TENM2: variants seen among roughly 807,000 people sequenced by gnomAD.
The protein encoded by TENM2 is teneurin-2.
A neutral mutation model predicts 245.2 loss-of-function variants in TENM2; 52 were observed. The ratio of observed to expected loss-of-function variants is 0.21; its 90% CI spans 0.17 to 0.27. The LOEUF (loss-of-function observed/expected upper bound fraction) is 0.27. TENM2 is among the 10% of genes least tolerant of loss of function. TENM2 has a pLI of 1.00. For synonymous variants in TENM2, 1,363 were observed against 1,438.9 expected (o/e 0.95, Z 1.19); for missense variants, 3,046 against 3,666.8 (o/e 0.83, Z 4.37).
chr5:167,568,548 G>C (rs575760574), intron 2 of TENM2, among the ~76,000 whole-genome samples: 2 of 152,028 alleles, frequency 1.3e-5, no homozygotes, highest in Non-Finnish European at 2.9e-5. Context: ...AAGACAGTAA[G>C]TGTGTGACAC....
At chr5:167,368,489 A>T (rs2127291351) in intron 1 of TENM2, among the ~76,000 whole-genome samples, 1 of 152,242 alleles carries the variant, frequency 6.6e-6, no homozygotes, top group East Asian at 1.9e-4. Context: ...TTAACCTTTT[A>T]TTTAAATAAT....
At chr5:167,898,287 C>A (rs1320930711) in intron 3 of TENM2, among the ~76,000 whole-genome samples, 9 of 152,064 alleles carry the variant, frequency 5.9e-5, no homozygotes, top group Non-Finnish European at 8.8e-5. Flanking sequence ...TTCCCTGGAC[C>A]TAGGGAATTG....
intron 3 of TENM2, among the ~76,000 whole-genome samples, chr5:167,931,016 A>C (rs1181082674): frequency 6.6e-6 from 1 of 152,216 alleles, no homozygotes; most frequent in Non-Finnish European, 1.5e-5. Context: ...AGAAGATCGC[A>C]AACTAGTGCA....
chr5:168,068,048 C>T lies in TENM2; in HGVS notation c.1515+5783C>T, dbSNP rs187968101. On this transcript the variant is annotated intron_variant, in intron 7 of 28. Coordinates refer to ENST00000518659, the Ensembl canonical transcript of TENM2. ...GGACTGAAAGTGCTTTTGGAAAGGA[C>T]TTTCTGGACAGACCCCTTCTGGTTA... Among the ~76,000 whole-genome samples, 3 of 152,238 alleles carry T rather than the reference C, an allele frequency of 2.0e-5. No homozygotes were observed. In the East Asian group the frequency reaches 5.8e-4, roughly 29 times the overall value.
chr5:168,159,073 G>A (rs1757514186), intron 12 of TENM2, among the ~76,000 whole-genome samples: 2 of 151,356 alleles, frequency 1.3e-5, no homozygotes, highest in South Asian at 4.2e-4. Flanking sequence ...GAACCTGAGA[G>A]GCGGAGGCTG....
the TENM2 span, among the ~76,000 whole-genome samples, chr5:167,107,367 A>G: frequency 1.3e-5 from 2 of 152,186 alleles, no homozygotes; most frequent in South Asian, 2.1e-4. Context: ...GGTGGAGTAC[A>G]TATATTTGGT....
intron 13 of TENM2, among the ~76,000 whole-genome samples, chr5:168,177,818 C>T (rs1483216784): frequency 6.6e-6 from 1 of 152,188 alleles, no homozygotes; most frequent in Non-Finnish European, 1.5e-5. Flanking sequence ...GCCTGGGTAA[C>T]AGCACAAGAC....
rs77480420 is a variant in TENM2, at chr5:167,311,986, A to G, written c.226+26923A>G. On this transcript the variant is annotated intron_variant, in intron 1 of 28. Coordinates refer to ENST00000518659, the Ensembl canonical transcript of TENM2. The stretch of plus-strand genomic sequence containing the variant: ...TTAAGGGGGAATTTTTTAAGGTCAT[A>G]TGACTATCCCTTAAACCTCAATTTC... 5.6e-4 allele frequency among the ~76,000 whole-genome samples: 85 copies of G among 152,314 alleles called. 1 individual carries two copies. In the East Asian group the frequency reaches 0.014, roughly 25 times the overall value.
chr5:167,693,077 CT>C (rs1160536336), intron 2 of TENM2, among the ~76,000 whole-genome samples: 4 of 152,206 alleles, frequency 2.6e-5, no homozygotes, highest in African/African-American at 9.6e-5. Flanking sequence ...TATGTTTCAT[CT>C]GTAATTAGGA....
chr5:167,303,829 G>C (rs1451304516), intron 1 of TENM2, among the ~76,000 whole-genome samples: 2 of 152,186 alleles, frequency 1.3e-5, no homozygotes, highest in Non-Finnish European at 2.9e-5. Flanking sequence ...GGTGGGGACT[G>C]TTCTGATTTG....
At chr5:166,988,350 C>T in the TENM2 span, among the ~76,000 whole-genome samples, 1 of 152,184 alleles carries the variant, frequency 6.6e-6, no homozygotes, top group Non-Finnish European at 1.5e-5. Flanking sequence ...CCCATTTCAA[C>T]TTTGACTCAG....
intron 2 of TENM2, among the ~76,000 whole-genome samples, chr5:167,655,950 G>A (rs1346824532): frequency 6.6e-6 from 1 of 152,112 alleles, no homozygotes; most frequent in Non-Finnish European, 1.5e-5. Context: ...ACATCCTTCT[G>A]TCCTCTCTTG....
upstream of TENM2, among the ~76,000 whole-genome samples, chr5:167,283,500 T>A (rs1469805815): frequency 6.6e-6 from 1 of 152,204 alleles, no homozygotes; most frequent in East Asian, 1.9e-4. Context: ...TGGCTTCTGG[T>A]GTCTGCAGGC....
rs569680150 is a variant in TENM2 at position 167,736,046 on chromosome 5, A to G, written c.503-139940A>G. Among the ~76,000 whole-genome samples the G allele has an allele frequency of 7.4e-4, 113 of 152,352 alleles. 2 individuals are homozygous for G. Among genetic ancestry groups the G allele is most frequent in the African/African-American group, 2.7e-3 (111 of 41,584 alleles). On this transcript the variant is annotated intron_variant, in intron 2 of 28. Transcript: ENST00000518659. The stretch of plus-strand genomic sequence containing the variant: ...AGACATACCTAAGACTGAGTAATTT[A>G]TAAAGGAAAGAAGTTTAATTGACTC...
intron 2 of TENM2, among the ~76,000 whole-genome samples, chr5:167,807,278 T>C (rs936584826): frequency 4.6e-5 from 7 of 151,852 alleles, no homozygotes; most frequent in African/African-American, 1.7e-4. Flanking sequence ...ACTTCCCCAG[T>C]GTTCTAATAA....
chr5:167,064,556 C>CA, the TENM2 span, among the ~76,000 whole-genome samples: 3,475 of 152,224 alleles, frequency 0.023, 139 homozygotes, highest in African/African-American at 0.08. Flanking sequence ...TTTTGTTCCT[C>CA]ATATAATAGA....
At chr5:167,429,535 A>T (rs1292937964) in intron 2 of TENM2, among the ~76,000 whole-genome samples, 2 of 152,064 alleles carry the variant, frequency 1.3e-5, no homozygotes, top group Non-Finnish European at 2.9e-5. Context: ...TAGAAAATAA[A>T]ATATAACTTG....
the TENM2 span, among the ~76,000 whole-genome samples, chr5:167,272,483 AT>A: frequency 6.6e-6 from 1 of 152,208 alleles, no homozygotes; most frequent in Non-Finnish European, 1.5e-5. Context: ...CTTTTAAAAT[AT>A]GTATTTTTGA....
the TENM2 span, among the ~76,000 whole-genome samples, chr5:167,014,491 G>T: frequency 6.6e-6 from 1 of 152,140 alleles, no homozygotes; most frequent in Non-Finnish European, 1.5e-5. Context: ...TAGGAAAGAT[G>T]ATCGTGTTGG....
Sources: allele counts gnomAD v4.1 joint callset (sites outside exome capture counted in the v4.1 genomes callset), GRCh38; gene constraint gnomAD v4.1.1; transcripts MANE v1.5; gene names NCBI Gene and HGNC (gene_info 2026-07-23, HGNC 2026-07-21).